Variants in HIP1 observed in about 807,000 individuals in gnomAD.
HIP1 encodes huntingtin interacting protein 1, also known as huntingtin-interacting protein 1.
Under a neutral mutation model 147.6 loss-of-function variants are expected in HIP1, and 65 were observed. That is an observed-to-expected ratio of 0.44 (90% confidence interval 0.36 to 0.54). The LOEUF is 0.54. Among genes scored for constraint, HIP1 ranks in the 20% least tolerant of loss-of-function variants. HIP1 has a pLI of 0.00. For synonymous variants in HIP1, 479 were observed against 504.0 expected (o/e 0.95, Z 0.67); for missense variants, 1,061 against 1,299.6 (o/e 0.82, Z 2.82).
chr7:75,553,835 C>T (rs1333419422), intron 21 of HIP1, among the ~76,000 whole-genome samples: 2 of 152,228 alleles, frequency 1.3e-5, no homozygotes, highest in African/African-American at 4.8e-5. Flanking sequence ...AACTCCTGAC[C>T]TCAGGTGATC....
At chr7:75,602,492 CTCTTTTTTT>C (rs1797036503) in intron 1 of HIP1, among the ~76,000 whole-genome samples, 1 of 123,520 alleles carries the variant, frequency 8.1e-6, no homozygotes, top group Non-Finnish European at 1.6e-5. Context: ...CTCAGATATG[CTCTTTTTTT>C]TTTTTTTTTT....
chr7:75,565,801 A>G (rs1795381682), intron 9 of HIP1, among the ~76,000 whole-genome samples: 2 of 149,876 alleles, frequency 1.3e-5, no homozygotes, highest in East Asian at 2.0e-4. Context: ...GCATGATCTC[A>G]GCTCATTGCA....
intron 1 of HIP1, among the ~76,000 whole-genome samples, chr7:75,615,959 A>T (rs1395294859): frequency 6.7e-6 from 1 of 150,372 alleles, no homozygotes; most frequent in Admixed American, 6.7e-5. Flanking sequence ...GATGGTGCGC[A>T]CCTGTAGTCC....
intron 1 of HIP1, among the ~76,000 whole-genome samples, chr7:75,603,598 A>T (rs1797097000): frequency 6.6e-6 from 1 of 152,062 alleles, no homozygotes; most frequent in Non-Finnish European, 1.5e-5. Context: ...TGAGCGTAAG[A>T]GCAGTCAGGA....
intron 1 of HIP1, among the ~76,000 whole-genome samples, chr7:75,601,488 C>T (rs1554502914): frequency 6.6e-6 from 1 of 151,736 alleles, no homozygotes. Context: ...ACTTGCTACT[C>T]GGGAGGCTGA....
chr7:75,573,974 G>A, intron 7 of HIP1, 73 bp from the exon 8 acceptor site: 1 of 1,400,228 alleles, frequency 7.1e-7, no homozygotes, highest in Non-Finnish European at 1.0e-6. Flanking sequence ...AGGGGCAGAG[G>A]CAGGGGTCCA....
chr7:75,599,261 A>G lies in HIP1; in HGVS notation c.121-14T>C, dbSNP rs1563233456. The G allele has an allele frequency of 6.2e-7, 1 of 1,600,280 alleles. No homozygotes were observed. The highest frequency in any genetic ancestry group is 1.1e-5 in the South Asian group (1 of 90,798). On this transcript the variant is annotated splice_polypyrimidine_tract_variant and intron_variant, in intron 1 of 30. Transcript: ENST00000336926. ...GATGCTGACAGTCTGAAAAACAAGA[A>G]GGGGGGAGGGAAAGGAGGATGAGAT...
At position 75,572,278 on chromosome 7, in the gene HIP1, C is replaced by G. The variant is rs186273127; in HGVS notation, c.745+1483G>C. On this transcript the variant is annotated intron_variant, in intron 8 of 30. Transcript: ENST00000336926. Reference sequence around the variant, plus strand: ...CTTCTGTAAGACCAGAACTTCCAAACTATATATATTCTGCTAAGGGCACCC... The same window carrying G: ...CTTCTGTAAGACCAGAACTTCCAAAGTATATATATTCTGCTAAGGGCACCC... Among the ~76,000 whole-genome samples, 984 of 150,478 alleles carry G rather than the reference C, an allele frequency of 6.5e-3. 7 individuals carry two copies. The highest frequency in any genetic ancestry group is 0.012 in the Non-Finnish European group (801 of 67,746).
chr7:75,560,071 G>A (rs1159839692), intron 13 of HIP1, among the ~76,000 whole-genome samples, 156 bp from the exon 14 acceptor site: 1 of 152,186 alleles, frequency 6.6e-6, no homozygotes, highest in Non-Finnish European at 1.5e-5. Context: ...TGGTCATTAG[G>A]AGCCCCTCAA....
intron 11 of HIP1, 71 bp downstream of exon 11, chr7:75,562,864 T>A: frequency 6.6e-7 from 1 of 1,519,870 alleles, no homozygotes; most frequent in Non-Finnish European, 9.0e-7. Flanking sequence ...TTGGCCAGGG[T>A]CTCCCCCAGC....
At chr7:75,559,622 G>T in intron 14 of HIP1, 110 bp downstream of exon 14, 1 of 885,540 alleles carries the variant, frequency 1.1e-6, no homozygotes, top group Non-Finnish European at 1.7e-6. Context: ...TTTCTAGAAA[G>T]ACAGTCTGGG....
chr7:75,646,251 G>T (rs188418143), intron 1 of HIP1, among the ~76,000 whole-genome samples: 5 of 151,966 alleles, frequency 3.3e-5, no homozygotes, highest in Non-Finnish European at 7.4e-5. Flanking sequence ...GGCTAATTTT[G>T]TGTGTGTGTA....
At chr7:75,628,451 AT>A (rs1798111398) in intron 1 of HIP1, among the ~76,000 whole-genome samples, 1 of 149,246 alleles carries the variant, frequency 6.7e-6, no homozygotes, top group African/African-American at 2.5e-5. Flanking sequence ...TTAATCTAAT[AT>A]TATAATTTTA....
chr7:75,689,195 T>TA (rs1222323815), intron 1 of HIP1, among the ~76,000 whole-genome samples: 2 of 151,700 alleles, frequency 1.3e-5, no homozygotes, highest in Non-Finnish European at 2.9e-5. Flanking sequence ...ATTATAAAAT[T>TA]AAAAAAATTT....
intron 1 of HIP1, among the ~76,000 whole-genome samples, chr7:75,631,355 A>G (rs1462708282): frequency 1.3e-5 from 2 of 152,178 alleles, no homozygotes; most frequent in Non-Finnish European, 2.9e-5. Context: ...AGGAAACAGT[A>G]TGAGGAGATC....
intron 1 of HIP1, among the ~76,000 whole-genome samples, chr7:75,737,861 C>T (rs1050570549): frequency 3.9e-5 from 6 of 152,216 alleles, no homozygotes; most frequent in African/African-American, 9.6e-5. Context: ...AAATCTGCCC[C>T]TCCAGCATTG....
chr7:75,595,232 CTTTCTTTCTTTCTTT>C (rs1796664113), intron 2 of HIP1, among the ~76,000 whole-genome samples: 5 of 111,030 alleles, frequency 4.5e-5, no homozygotes, highest in South Asian at 3.2e-4. Context: ...TTCTTTCTTT[CTTTCTTTCTTTCTTT>C]CTTTCTTCCT....
intron 1 of HIP1, among the ~76,000 whole-genome samples, chr7:75,610,376 A>AT (rs1268001274): frequency 6.7e-6 from 1 of 149,662 alleles, no homozygotes. Flanking sequence ...CACCCAGCTA[A>AT]TTTTTTTGTA....
At chr7:75,637,188 C>A (rs1175232045) in intron 1 of HIP1, among the ~76,000 whole-genome samples, 1 of 152,130 alleles carries the variant, frequency 6.6e-6, no homozygotes, top group African/African-American at 2.4e-5. Context: ...GGGAGGGAGG[C>A]CTTCGATGAT....
Sources: allele counts gnomAD v4.1 joint callset (sites outside exome capture counted in the v4.1 genomes callset), GRCh38; gene constraint gnomAD v4.1.1; transcripts MANE v1.5; gene names NCBI Gene and HGNC (gene_info 2026-07-23, HGNC 2026-07-21).